Variants in FIBCD1 observed in about 807,000 individuals in gnomAD.
The protein encoded by FIBCD1 is fibrinogen C domain containing 1, also known as fibrinogen C domain-containing protein 1.
In FIBCD1, 47 loss-of-function variants were observed where a neutral mutation model predicts 45.1. The ratio of observed to expected loss-of-function variants is 1.04; its 90% CI spans 0.82 to 1.33. The LOEUF is 1.33. Ranked by LOEUF, FIBCD1 falls within the 40% of genes most tolerant of loss-of-function variation. The probability of loss-of-function intolerance (pLI) is 0.00; values close to 1 mark genes in which losing one functional copy is unlikely to be tolerated. For missense variants in FIBCD1, 653 were observed against 682.2 expected (o/e 0.96, Z 0.48); for synonymous variants, 313 against 308.1 (o/e 1.02, Z -0.17).
In FIBCD1 at chr9:130,922,024, G is replaced by T. The variant is rs1004674914; in HGVS notation, c.849+1720C>A. 6.6e-6 allele frequency among the ~76,000 whole-genome samples: 1 copy of T among 152,126 alleles called. No homozygotes were observed. Among genetic ancestry groups the T allele is most frequent in the South Asian group, 2.1e-4 (1 of 4,822 alleles). On this transcript the variant is annotated intron_variant, in intron 4 of 6. Coordinates refer to ENST00000372338, the MANE Select transcript of FIBCD1 (RefSeq NM_032843.5). This position sits in a 1 kb window ranked among gnomAD's most constrained non-coding sequence, Gnocchi z 4.5. Reference sequence around the variant, plus strand: ...CTCCCCGCGTCCTGCCTCTGCTGGGGACCGCTGACCCCTTTCAAAACTGAC... The same window carrying T: ...CTCCCCGCGTCCTGCCTCTGCTGGGTACCGCTGACCCCTTTCAAAACTGAC...
intron 1 of FIBCD1, among the ~76,000 whole-genome samples, chr9:130,931,928 CCTGGCACGTTGTG>C (rs1447033460): frequency 1.3e-5 from 2 of 152,276 alleles, no homozygotes; most frequent in African/African-American, 4.8e-5. Flanking sequence ...TGGAGCCGTG[CCTGGCACGTTGTG>C]CTGGCACAGT....
At chr9:130,904,759 C>G (rs886627662) in intron 6 of FIBCD1, among the ~76,000 whole-genome samples, 1 of 152,220 alleles carries the variant, frequency 6.6e-6, no homozygotes, top group Non-Finnish European at 1.5e-5. Context: ...AACGGGAAAA[C>G]AGTCCAGGCT....
rs112283543 is a variant in FIBCD1, at chr9:130,915,693, ACT to A, written c.850-3807_850-3806del. ...CTCCAACCTGAGTGATAAGAGCGAGACTCTGTCTCAAAAAAATAAAAAAATAA... is the reference window on the plus strand; with the variant it reads ...CTCCAACCTGAGTGATAAGAGCGAGACTGTCTCAAAAAAATAAAAAAATAA... On this transcript the variant is annotated intron_variant, in intron 4 of 6. Transcript: ENST00000372338. 3.0e-3 allele frequency among the ~76,000 whole-genome samples: 459 copies of A among 152,038 alleles called. 2 individuals are homozygous for A. The highest frequency in any genetic ancestry group is 6.4e-3 in the South Asian group (31 of 4,812).
rs377171220 is a variant in FIBCD1, at chr9:130,904,026, G to A, written c.*38C>T. 72 of 1,604,556 alleles carry A rather than the reference G, an allele frequency of 4.5e-5. No homozygotes were observed. The highest frequency in any genetic ancestry group is 5.6e-5 in the Non-Finnish European group (66 of 1,176,348). On this transcript the variant is annotated 3_prime_UTR_variant, in exon 7 of 7. Transcript: ENST00000372338. ...AGTGAGGTGGGGTCGGGGATGGGGC[G>A]ACAGGGACCAGCAGGGCCAAGGACA...
At chr9:130,924,186 C>G (rs771600052) in intron 3 of FIBCD1, 51 bp downstream of exon 3, 24 of 1,506,406 alleles carry the variant, frequency 1.6e-5, no homozygotes, top group Non-Finnish European at 2.1e-5. Context: ...TCCCCGCTCC[C>G]CAGAGCTGGG....
rs1394165342 is a variant in FIBCD1, at chr9:130,922,480, G to T, written c.849+1264C>A. 6.6e-6 allele frequency among the ~76,000 whole-genome samples: 1 copy of T among 152,108 alleles called. No individual in the cohort carries two copies. Among genetic ancestry groups the T allele is most frequent in the Non-Finnish European group, 1.5e-5 (1 of 68,020 alleles). The stretch of plus-strand genomic sequence containing the variant: ...CAGAGAACCGAGGTAAGTTGCCCCA[G>T]GTCACACAGCAGGACTCAGAGCCAT... On this transcript the variant is annotated intron_variant, in intron 4 of 6. Coordinates refer to ENST00000372338, the MANE Select transcript of FIBCD1 (RefSeq NM_032843.5). The surrounding 1 kb of genome is among the most constrained non-coding windows in gnomAD (Gnocchi z 4.5).
chr9:130,934,633 C>T (rs1179778917), intron 1 of FIBCD1, among the ~76,000 whole-genome samples: 1 of 152,224 alleles, frequency 6.6e-6, no homozygotes, highest in Non-Finnish European at 1.5e-5. Context: ...CTCCCCGCGA[C>T]ATACAGCTCT....
rs1349248327 is a variant in FIBCD1, at chr9:130,911,852, A to C, written c.886T>G (p.Phe296Val). Residue 296 changes from phenylalanine (F) to valine (V), a missense_variant, in exon 5 of 7, where the codon TTC (phenylalanine) becomes GTC (valine). Transcript: ENST00000372338. ...QRREDGSVNFFRGWDAYRDGF... is the reference protein window; with the variant it reads ...QRREDGSVNFVRGWDAYRDGF... ...TCTCGGTACGCATCCCAGCCCCGGA[A>C]GAAGTTCACGGAGCCGTCCTCCCGG... 1 of 1,602,190 alleles carries C rather than the reference A, an allele frequency of 6.2e-7. No homozygotes were observed. The highest frequency in any genetic ancestry group is 1.1e-5 in the South Asian group (1 of 88,980).
Position 130,922,937 on chromosome 9 carries a change from A to C in FIBCD1, c.849+807T>G, listed in dbSNP as rs927366373. Among the ~76,000 whole-genome samples the C allele has an allele frequency of 6.6e-6, 1 of 152,014 alleles. No individual in the cohort carries two copies. Among genetic ancestry groups the C allele is most frequent in the Admixed American group, 6.6e-5 (1 of 15,252 alleles). On this transcript the variant is annotated intron_variant, in intron 4 of 6. Transcript: ENST00000372338. This position sits in a 1 kb window ranked among gnomAD's most constrained non-coding sequence, Gnocchi z 4.5. ...GCTCATGAGAAATGCCCCCTTCTCC[A>C]GGAAGCTTTACCCTCCCCTCTGCTA...
At position 130,922,789 on chromosome 9, in the gene FIBCD1, C is replaced by T. The variant is rs995792899; in HGVS notation, c.849+955G>A. The stretch of plus-strand genomic sequence containing the variant: ...GGAACACTCCAGCCTCATCTCATCA[C>T]GCACCACAAATCCCTCGGGCCCTGC... On this transcript the variant is annotated intron_variant, in intron 4 of 6. Coordinates refer to ENST00000372338, the MANE Select transcript of FIBCD1 (RefSeq NM_032843.5). The surrounding 1 kb of genome is among the most constrained non-coding windows in gnomAD (Gnocchi z 4.5). 1.3e-5 allele frequency among the ~76,000 whole-genome samples: 2 copies of T among 152,136 alleles called. No homozygotes were observed. The highest frequency in any genetic ancestry group is 2.4e-5 in the African/African-American group (1 of 41,418).
At chr9:130,909,319 C>T (rs540228626) in intron 5 of FIBCD1, among the ~76,000 whole-genome samples, 2 of 152,050 alleles carry the variant, frequency 1.3e-5, no homozygotes, top group South Asian at 2.1e-4. Flanking sequence ...GATGTCCGCA[C>T]ACACCCGGGG....
intron 4 of FIBCD1, among the ~76,000 whole-genome samples, chr9:130,919,514 G>A (rs1832221994): frequency 6.6e-6 from 1 of 152,204 alleles, no homozygotes; most frequent in Non-Finnish European, 1.5e-5. Flanking sequence ...CTGGCACCTG[G>A]GGAGGCCCCA....
chr9:130,936,021 G>A (rs1167187242), intron 1 of FIBCD1, among the ~76,000 whole-genome samples: 2 of 152,216 alleles, frequency 1.3e-5, no homozygotes, highest in Non-Finnish European at 2.9e-5. Context: ...GACACAGCCA[G>A]CCTGTGGAAG....
intron 1 of FIBCD1, among the ~76,000 whole-genome samples, chr9:130,932,715 T>C (rs1026897537): frequency 2.0e-5 from 3 of 152,154 alleles, no homozygotes; most frequent in East Asian, 1.9e-4. Flanking sequence ...ACAAGACAGA[T>C]TGTTGTGGCC....
intron 2 of FIBCD1, among the ~76,000 whole-genome samples, chr9:130,927,988 G>T (rs1832386264): frequency 6.6e-6 from 1 of 152,172 alleles, no homozygotes; most frequent in Non-Finnish European, 1.5e-5. Flanking sequence ...AAGCACCTCT[G>T]GCGATTCCAA....
At position 130,938,577 on chromosome 9, in the gene FIBCD1, C is replaced by T. The variant is rs1174660064; in HGVS notation, c.31G>A (p.Gly11Ser). Residue 11 changes from glycine (G) to serine (S), a missense_variant, in exon 1 of 7, where the codon GGC becomes AGC. Transcript: ENST00000372338. MVNDRWKTMGGAAQLEDRPRD... is the reference protein window; with the variant it reads MVNDRWKTMGSAAQLEDRPRD... ...GGCCGGTCCTCAAGTTGGGCAGCGC[C>T]GCCCATGGTCTTCCACCGGTCGTTG... is the stretch of plus-strand genomic sequence containing the variant. 2 of 1,488,064 alleles carry T rather than the reference C, an allele frequency of 1.3e-6. No homozygotes were observed. The highest frequency in any genetic ancestry group is 8.9e-7 in the Non-Finnish European group (1 of 1,124,044). 92.2% of individuals were successfully genotyped at this position (1,488,064 alleles called of 1,614,324 possible). A position where few individuals can be genotyped will look rare whatever the true frequency, so the allele number is the denominator to read the frequency against.
chr9:130,922,028 G>A lies in FIBCD1; in HGVS notation c.849+1716C>T, dbSNP rs370817343. On this transcript the variant is annotated intron_variant, in intron 4 of 6. Coordinates refer to ENST00000372338, the MANE Select transcript of FIBCD1 (RefSeq NM_032843.5). This position sits in a 1 kb window ranked among gnomAD's most constrained non-coding sequence, Gnocchi z 4.5. ...CCGCGTCCTGCCTCTGCTGGGGACC[G>A]CTGACCCCTTTCAAAACTGACCCAG... Among the ~76,000 whole-genome samples the A allele has an allele frequency of 2.5e-3, 387 of 152,182 alleles. 1 individual carries two copies. Among genetic ancestry groups the A allele is most frequent in the African/African-American group, 8.9e-3 (368 of 41,518 alleles).
chr9:130,930,088 G>C (rs773679397), intron 1 of FIBCD1, 42 bp from the exon 2 acceptor site: 4 of 1,478,866 alleles, frequency 2.7e-6, no homozygotes, highest in Admixed American at 2.5e-5. Flanking sequence ...ACAGACAGAC[G>C]GGAGAGAGAA....
chr9:130,910,599 G>C (rs1009792828), intron 5 of FIBCD1, among the ~76,000 whole-genome samples: 1 of 152,260 alleles, frequency 6.6e-6, no homozygotes, highest in African/African-American at 2.4e-5. Flanking sequence ...GTCTGGTGGG[G>C]AGGTGGAGAG....
Sources: allele counts gnomAD v4.1 joint callset (sites outside exome capture counted in the v4.1 genomes callset), GRCh38; gene constraint gnomAD v4.1.1; non-coding constraint Gnocchi (gnomAD v3.1); transcripts MANE v1.5; gene names NCBI Gene and HGNC (gene_info 2026-07-23, HGNC 2026-07-21).